The following TMEM238L variants were observed in gnomAD, a reference collection of about 807,000 sequenced individuals.
TMEM238L encodes transmembrane protein 238 like, also known as transmembrane protein 238-like.
exon 2 of TMEM238L, chr17:10,795,336 C>G (rs1334892483): frequency 6.6e-6 from 1 of 152,244 alleles, no homozygotes; most frequent in Non-Finnish European, 1.5e-5. Context: ...AGGAGTGGGG[C>G]TCCATTAATA....
intron 1 of TMEM238L, chr17:10,802,520 C>A (rs937695765): frequency 1.3e-5 from 2 of 152,536 alleles, no homozygotes; most frequent in African/African-American, 2.4e-5. Flanking sequence ...TATGGGCTTA[C>A]CTTACTCTAC....
intron 1 of TMEM238L, among the ~76,000 whole-genome samples, chr17:10,801,789 T>C (rs550303149): frequency 6.6e-6 from 1 of 152,172 alleles, no homozygotes; most frequent in Admixed American, 6.5e-5. Flanking sequence ...GTGTCTTTTT[T>C]TTTTTTTAAT....
chr17:10,796,737 G>A (rs1032273212), intron 1 of TMEM238L, among the ~76,000 whole-genome samples: 1 of 152,086 alleles, frequency 6.6e-6, no homozygotes, highest in African/African-American at 2.4e-5. Context: ...TTGGCATAAC[G>A]TCTCTTCCTT....
chr17:10,799,404 G>A (rs1362801111), intron 1 of TMEM238L, among the ~76,000 whole-genome samples: 1 of 152,112 alleles, frequency 6.6e-6, no homozygotes, highest in Non-Finnish European at 1.5e-5. Context: ...CACTATGTTG[G>A]CCAGGCTGGT....
intron 1 of TMEM238L, among the ~76,000 whole-genome samples, chr17:10,800,902 A>G (rs1384109530): frequency 1.3e-5 from 2 of 152,160 alleles, no homozygotes; most frequent in Non-Finnish European, 2.9e-5. Flanking sequence ...TTGTTTGGGT[A>G]CTTGTCTTGG....
chr17:10,801,495 A>T (rs1270464460), intron 1 of TMEM238L, among the ~76,000 whole-genome samples: 2 of 151,972 alleles, frequency 1.3e-5, no homozygotes, highest in Non-Finnish European at 2.9e-5. Context: ...ATTTCCTGTT[A>T]TCCCAGGACC....
chr17:10,796,325 C>T (rs1904542027), intron 1 of TMEM238L, among the ~76,000 whole-genome samples: 1 of 152,246 alleles, frequency 6.6e-6, no homozygotes, highest in South Asian at 2.1e-4. Context: ...TCAACCTCCA[C>T]CTTGGATGTG....
chr17:10,799,867 C>A (rs558601536), intron 1 of TMEM238L, among the ~76,000 whole-genome samples: 1 of 152,164 alleles, frequency 6.6e-6, no homozygotes, highest in South Asian at 2.1e-4. Context: ...TGCCCCTCAC[C>A]CCAGGCCCAA....
At chr17:10,800,232 G>A (rs557127890) in intron 1 of TMEM238L, among the ~76,000 whole-genome samples, 59 of 150,536 alleles carry the variant, frequency 3.9e-4, no homozygotes, top group Non-Finnish European at 6.7e-4. Context: ...AGGCCTGGCC[G>A]GAAACCACAT....
intron 1 of TMEM238L, among the ~76,000 whole-genome samples, chr17:10,800,684 T>C (rs1904710313): frequency 6.6e-6 from 1 of 152,226 alleles, no homozygotes; most frequent in Admixed American, 6.5e-5. Flanking sequence ...GTGGCTATTA[T>C]TAGCACCATC....
intron 1 of TMEM238L, among the ~76,000 whole-genome samples, chr17:10,802,195 G>A (rs1382597180): frequency 6.6e-6 from 1 of 152,136 alleles, no homozygotes; most frequent in Admixed American, 6.5e-5. Context: ...TGCAAAGTGT[G>A]AGTTGACCCC....
chr17:10,797,066 A>G (rs1904572149), intron 1 of TMEM238L, among the ~76,000 whole-genome samples: 1 of 152,190 alleles, frequency 6.6e-6, no homozygotes, highest in Non-Finnish European at 1.5e-5. Context: ...TTTGGCCCAT[A>G]GGTTGTAGTT....
chr17:10,800,410 A>T (rs1597578668), intron 1 of TMEM238L, among the ~76,000 whole-genome samples: 1 of 152,352 alleles, frequency 6.6e-6, no homozygotes, highest in Non-Finnish European at 1.5e-5. Context: ...GCAGTAAAGA[A>T]TACAATAAAG....
intron 1 of TMEM238L, among the ~76,000 whole-genome samples, chr17:10,803,064 A>G (rs923885398): frequency 3.3e-5 from 5 of 151,622 alleles, no homozygotes; most frequent in African/African-American, 1.2e-4. Flanking sequence ...AGTAGTCCCT[A>G]CCCCGCTTCT....
chr17:10,799,522 G>T (rs1904667641), intron 1 of TMEM238L, among the ~76,000 whole-genome samples: 1 of 152,170 alleles, frequency 6.6e-6, no homozygotes, highest in South Asian at 2.1e-4. Context: ...CAGAGCCTCT[G>T]AAGGCTGAGC....
intron 1 of TMEM238L, chr17:10,802,579 G>A (rs1904778746): frequency 6.6e-6 from 1 of 152,600 alleles, no homozygotes; most frequent in African/African-American, 2.4e-5. Context: ...TGAGAGTCAG[G>A]TGTAATCCCC....
chr17:10,802,528 T>A (rs1432619626), intron 1 of TMEM238L: 3 of 152,596 alleles, frequency 2.0e-5, no homozygotes, highest in Non-Finnish European at 4.4e-5. Context: ...TACCTTACTC[T>A]ACTGAGACCT....
At chr17:10,803,955 CAGG>C (rs1413374335) in exon 1 of TMEM238L, 3 of 399,228 alleles carry the variant, frequency 7.5e-6, no homozygotes. Flanking sequence ...ACAGACTCCC[CAGG>C]AGCATTGCCC....
intron 1 of TMEM238L, among the ~76,000 whole-genome samples, chr17:10,796,185 G>A (rs1904536929): frequency 6.6e-6 from 1 of 152,174 alleles, no homozygotes; most frequent in African/African-American, 2.4e-5. Context: ...TGTAAGCACT[G>A]AATGAGATCA....
Sources: allele counts gnomAD v4.1 joint callset (sites outside exome capture counted in the v4.1 genomes callset), GRCh38; gene constraint gnomAD v4.1.1; transcripts MANE v1.5; gene names NCBI Gene and HGNC (gene_info 2026-07-23, HGNC 2026-07-21).